Variants in TMEM117 observed in about 807,000 individuals in gnomAD.
TMEM117 encodes the protein transmembrane protein 117.
Under a neutral mutation model 52.4 loss-of-function variants are expected in TMEM117, and 27 were observed. The ratio of observed to expected loss-of-function variants is 0.51; its 90% confidence interval spans 0.38 to 0.71. The LOEUF (loss-of-function observed/expected upper bound fraction) is 0.71, where lower values mean the gene tolerates loss of function less well. Among genes scored for constraint, TMEM117 ranks in the 30% least tolerant of loss-of-function variants. The pLI, the probability that TMEM117 is intolerant of heterozygous loss-of-function variation, is 0.00. For synonymous variants in TMEM117, 215 were observed against 206.3 expected (o/e 1.04, Z -0.36); for missense variants, 556 against 630.5 (o/e 0.88, Z 1.26).
chr12:44,214,138 A>ATTTTTTTTTTTTTT (rs773352634), intron 5 of TMEM117, among the ~76,000 whole-genome samples: 1 of 99,276 alleles, frequency 1.0e-5, no homozygotes, highest in Non-Finnish European at 2.1e-5. Flanking sequence ...TTTTTTTTTA[A>ATTTTTTTTTTTTTT]TTTTTTTTTT....
intron 5 of TMEM117, among the ~76,000 whole-genome samples, chr12:44,246,487 C>T (rs1359731352): frequency 2.6e-5 from 4 of 152,150 alleles, no homozygotes; most frequent in Non-Finnish European, 5.9e-5. Context: ...TAATTTGCTG[C>T]ACACTGTATT....
chr12:44,147,002 G>C (rs1251530060), intron 4 of TMEM117, among the ~76,000 whole-genome samples: 1 of 152,160 alleles, frequency 6.6e-6, no homozygotes, highest in African/African-American at 2.4e-5. Flanking sequence ...TTCAAGCTCT[G>C]CTGGGTCCAG....
At chr12:43,850,178 C>T (rs1368173519) in intron 2 of TMEM117, among the ~76,000 whole-genome samples, 1 of 152,070 alleles carries the variant, frequency 6.6e-6, no homozygotes, top group African/African-American at 2.4e-5. Context: ...TGGATCCTTG[C>T]CCTGTTATCC....
the TMEM117 span, chr12:43,806,520 TC>T: frequency 1.9e-6 from 1 of 524,314 alleles, no homozygotes; most frequent in Non-Finnish European, 2.6e-6. Flanking sequence ...TCCCGCTTCT[TC>T]CGGGGGGGAC....
intron 3 of TMEM117, among the ~76,000 whole-genome samples, chr12:43,949,399 C>T (rs12309681): frequency 0.14 from 21,834 of 152,086 alleles, 2,362 homozygotes; most frequent in African/African-American, 0.3. Flanking sequence ...CAGTAGCCTG[C>T]CAGCACTTGG....
intron 2 of TMEM117, among the ~76,000 whole-genome samples, chr12:43,932,945 T>C (rs1198084856): frequency 6.6e-6 from 1 of 152,104 alleles, no homozygotes; most frequent in African/African-American, 2.4e-5. Flanking sequence ...ATAATAGCAA[T>C]ACTGTAAATG....
chr12:44,034,768 G>A (rs1946684729), intron 3 of TMEM117, among the ~76,000 whole-genome samples: 1 of 152,164 alleles, frequency 6.6e-6, no homozygotes, highest in South Asian at 2.1e-4. Context: ...TTATGAGTCA[G>A]CTTGAATGGC....
At chr12:43,839,633 TCTTTGAA>T (rs1372477528) in intron 1 of TMEM117, among the ~76,000 whole-genome samples, 4 of 152,244 alleles carry the variant, frequency 2.6e-5, no homozygotes, top group African/African-American at 9.6e-5. Flanking sequence ...TTTAATTTTC[TCTTTGAA>T]CTTTCTTAAA....
chr12:44,349,790 G>A (rs995268879), intron 6 of TMEM117, among the ~76,000 whole-genome samples: 1 of 151,888 alleles, frequency 6.6e-6, no homozygotes, highest in Non-Finnish European at 1.5e-5. Flanking sequence ...AATTTTTTAC[G>A]CATTTGCTAT....
chr12:44,131,573 G>GTAAAA (rs1210571298), intron 3 of TMEM117, among the ~76,000 whole-genome samples: 2 of 151,944 alleles, frequency 1.3e-5, no homozygotes, highest in African/African-American at 4.8e-5. Flanking sequence ...TGATTATTGA[G>GTAAAA]TAAAATATGT....
chr12:44,037,871 A>T (rs905120635), intron 3 of TMEM117, among the ~76,000 whole-genome samples: 1 of 151,248 alleles, frequency 6.6e-6, no homozygotes, highest in African/African-American at 2.4e-5. Flanking sequence ...AGAGAGGAGC[A>T]CTCCAGGGTC....
chr12:44,152,744 A>T (rs1319887880), intron 4 of TMEM117, among the ~76,000 whole-genome samples: 1 of 137,002 alleles, frequency 7.3e-6, no homozygotes, highest in African/African-American at 2.7e-5. Context: ...TATATTTATA[A>T]TTATATTTAT....
At chr12:44,201,494 T>C (rs2138370197) in intron 4 of TMEM117, among the ~76,000 whole-genome samples, 1 of 152,234 alleles carries the variant, frequency 6.6e-6, no homozygotes, top group Non-Finnish European at 1.5e-5. Flanking sequence ...AATTCTTAGA[T>C]TGAAAGGGCA....
chr12:44,011,269 A>G (rs1946285909), intron 3 of TMEM117, among the ~76,000 whole-genome samples: 1 of 152,140 alleles, frequency 6.6e-6, no homozygotes, highest in African/African-American at 2.4e-5. Flanking sequence ...CTTGAAACTG[A>G]GGATAGTACC....
At chr12:44,130,000 C>G (rs993169096) in intron 3 of TMEM117, among the ~76,000 whole-genome samples, 1 of 152,136 alleles carries the variant, frequency 6.6e-6, no homozygotes, top group South Asian at 2.1e-4. Flanking sequence ...CAGGAATCTT[C>G]GTTCTTCTAC....
At chr12:43,897,005 A>G (rs896667100) in intron 2 of TMEM117, among the ~76,000 whole-genome samples, 5 of 152,176 alleles carry the variant, frequency 3.3e-5, no homozygotes, top group African/African-American at 1.2e-4. Context: ...GACTAGACCT[A>G]GTTGCCTGAG....
At chr12:44,339,228 T>A (rs1200731613) in intron 6 of TMEM117, among the ~76,000 whole-genome samples, 3 of 151,970 alleles carry the variant, frequency 2.0e-5, no homozygotes, top group African/African-American at 7.2e-5. Flanking sequence ...CCCTCCAAAT[T>A]TCATGGGTAA....
At chr12:44,391,954 A>G (rs961715079), downstream of TMEM117, among the ~76,000 whole-genome samples, 4 of 152,148 alleles carry the variant, frequency 2.6e-5, no homozygotes, top group African/African-American at 4.8e-5. Flanking sequence ...ACTCTGACCT[A>G]TTAGCCAGCC....
At chr12:44,176,720 T>G (rs1445308785) in intron 4 of TMEM117, among the ~76,000 whole-genome samples, 1 of 152,160 alleles carries the variant, frequency 6.6e-6, no homozygotes, top group Non-Finnish European at 1.5e-5. Context: ...TTAAAAATAA[T>G]TCTATATGGA....
Sources: allele counts gnomAD v4.1 joint callset (sites outside exome capture counted in the v4.1 genomes callset), GRCh38; gene constraint gnomAD v4.1.1; transcripts MANE v1.5; gene names NCBI Gene and HGNC (gene_info 2026-07-23, HGNC 2026-07-21).